AGAP1: variants seen among roughly 807,000 people sequenced by gnomAD.
The protein encoded by AGAP1 is ArfGAP with GTPase domain, ankyrin repeat and PH domain 1.
Under a neutral mutation model 105.3 loss-of-function variants are expected in AGAP1, and 29 were observed. The ratio of observed to expected loss-of-function variants is 0.28; its 90% CI spans 0.21 to 0.38. AGAP1 has a LOEUF of 0.38. AGAP1 is among the 10% of genes least tolerant of loss of function. AGAP1 has a pLI of 1.00. For missense variants in AGAP1, 998 were observed against 1,165.1 expected (o/e 0.86, Z 2.09); for synonymous variants, 509 against 485.9 (o/e 1.05, Z -0.63).
At position 235,891,437 on chromosome 2, in the gene AGAP1, T is replaced by G. The variant is rs2050534452; in HGVS notation, c.1155+7988T>G. Among the ~76,000 whole-genome samples the G allele has an allele frequency of 6.6e-6, 1 of 152,156 alleles. No individual in the cohort carries two copies. The highest frequency in any genetic ancestry group is 1.5e-5 in the Non-Finnish European group (1 of 68,032). On this transcript the variant is annotated intron_variant, in intron 10 of 17. Coordinates refer to ENST00000304032, the MANE Select transcript of AGAP1 (RefSeq NM_001037131.3). The surrounding 1 kb of genome is among the most constrained non-coding windows in gnomAD (Gnocchi z 4.2). ...ACACTTTGCTGGATCACAGTTCAGG[T>G]GGATCGAGGGCAGCCTGTTCTAAGA...
chr2:236,005,625 G>T lies in AGAP1; in HGVS notation c.1646-30936G>T, dbSNP rs2125537605. Among the ~76,000 whole-genome samples the T allele has an allele frequency of 6.6e-6, 1 of 152,180 alleles. No individual in the cohort carries two copies. The highest frequency in any genetic ancestry group is 1.5e-5 in the Non-Finnish European group (1 of 68,008). On this transcript the variant is annotated intron_variant, in intron 13 of 17. Transcript: ENST00000304032. The surrounding 1 kb of genome is among the most constrained non-coding windows in gnomAD (Gnocchi z 4.1). Reference sequence around the variant, plus strand: ...GTCATGCCTCCTTAGCCTTCTCTTGGCTGGGACATTTTCTCAGACTTTTCC... The same window carrying T: ...GTCATGCCTCCTTAGCCTTCTCTTGTCTGGGACATTTTCTCAGACTTTTCC...
At chr2:235,579,155 C>T (rs1051067721) in intron 1 of AGAP1, among the ~76,000 whole-genome samples, 14 of 152,126 alleles carry the variant, frequency 9.2e-5, no homozygotes, top group African/African-American at 1.9e-4. Context: ...GTAAAACTTT[C>T]GTATAAGGGC....
chr2:235,542,824 C>T (rs939809649), intron 1 of AGAP1, among the ~76,000 whole-genome samples: 1 of 152,208 alleles, frequency 6.6e-6, no homozygotes, highest in Non-Finnish European at 1.5e-5. Flanking sequence ...CAGCCTCCAG[C>T]ACTGCTCCCT....
At chr2:235,523,071 G>A (rs556179712) in intron 1 of AGAP1, among the ~76,000 whole-genome samples, 2 of 152,252 alleles carry the variant, frequency 1.3e-5, no homozygotes, top group Middle Eastern at 3.4e-3. Context: ...GGCAGGCTCC[G>A]GTGAGGGCTC....
chr2:235,819,303 T>G (rs1354484570), intron 9 of AGAP1, among the ~76,000 whole-genome samples: 1 of 151,704 alleles, frequency 6.6e-6, no homozygotes, highest in Non-Finnish European at 1.5e-5. Context: ...TTAATAGAGA[T>G]AGGGTTTTGC....
At chr2:235,590,644 T>G (rs541420647) in intron 1 of AGAP1, among the ~76,000 whole-genome samples, 1 of 151,818 alleles carries the variant, frequency 6.6e-6, no homozygotes, top group East Asian at 1.9e-4. Flanking sequence ...GTTTCTGTTT[T>G]TTTTGTTTTG....
rs554268757 is a variant in AGAP1, at chr2:235,908,069, G to A, written c.1156-669G>A. On this transcript the variant is annotated intron_variant, in intron 10 of 17. Coordinates refer to ENST00000304032, the MANE Select transcript of AGAP1 (RefSeq NM_001037131.3). This position sits in a 1 kb window ranked among gnomAD's most constrained non-coding sequence, Gnocchi z 4.4. ...TCTCAGTTGCTTGTTCACCTTCCCC[G>A]TTCCCTGCCCATCAGCCAGTTTCCA... Among the ~76,000 whole-genome samples the A allele has an allele frequency of 1.3e-5, 2 of 152,014 alleles. No individual in the cohort carries two copies. The highest frequency in any genetic ancestry group is 4.8e-5 in the African/African-American group (2 of 41,386).
chr2:235,691,748 C>T lies in AGAP1; in HGVS notation c.164-17431C>T, dbSNP rs1400597991. Reference sequence around the variant, plus strand: ...ACCACGCCTCCCTTCCCTTCCTTCCCTGTCCTGAGTGTGACCTCCGTCATG... The same window carrying T: ...ACCACGCCTCCCTTCCCTTCCTTCCTTGTCCTGAGTGTGACCTCCGTCATG... On this transcript the variant is annotated intron_variant, in intron 1 of 17. Transcript: ENST00000304032. This position sits in a 1 kb window ranked among gnomAD's most constrained non-coding sequence, Gnocchi z 4.4. 6.6e-6 allele frequency among the ~76,000 whole-genome samples: 1 copy of T among 152,220 alleles called. No homozygotes were observed. Among genetic ancestry groups the T allele is most frequent in the African/African-American group, 2.4e-5 (1 of 41,460 alleles).
chr2:235,773,418 A>G (rs1345108604), intron 6 of AGAP1, among the ~76,000 whole-genome samples: 1 of 152,232 alleles, frequency 6.6e-6, no homozygotes, highest in Non-Finnish European at 1.5e-5. Context: ...TTACACTCCT[A>G]TGCAAATGTC....
At chr2:235,952,833 C>G (rs1466318091) in intron 12 of AGAP1, among the ~76,000 whole-genome samples, 1 of 150,262 alleles carries the variant, frequency 6.7e-6, no homozygotes, top group Non-Finnish European at 1.5e-5. Flanking sequence ...TCAGCTCAGC[C>G]CCAGGGCCTT....
intron 1 of AGAP1, among the ~76,000 whole-genome samples, chr2:235,696,746 C>T (rs1446316073): frequency 6.6e-6 from 1 of 152,114 alleles, no homozygotes; most frequent in Admixed American, 6.5e-5. Context: ...ATTATCCATG[C>T]CACCTCTCAG....
At chr2:235,886,826 A>G (rs1167364822) in intron 10 of AGAP1, among the ~76,000 whole-genome samples, 2 of 152,142 alleles carry the variant, frequency 1.3e-5, no homozygotes, top group Non-Finnish European at 2.9e-5. Context: ...TTTCACAGCC[A>G]AGCATTGGAT....
intron 16 of AGAP1, among the ~76,000 whole-genome samples, chr2:236,070,852 C>T (rs951095384): frequency 6.6e-6 from 1 of 152,052 alleles, no homozygotes; most frequent in Non-Finnish European, 1.5e-5. Flanking sequence ...TCAAAATGTC[C>T]CCAAATTGGT....
chr2:235,926,422 C>T (rs1454653702), intron 11 of AGAP1, among the ~76,000 whole-genome samples: 2 of 152,188 alleles, frequency 1.3e-5, no homozygotes, highest in African/African-American at 2.4e-5. Flanking sequence ...GCAGCTTCCA[C>T]AGTGTCGTGG....
chr2:236,111,479 T>A (rs2059638914), intron 16 of AGAP1, among the ~76,000 whole-genome samples: 1 of 146,536 alleles, frequency 6.8e-6, no homozygotes, highest in Non-Finnish European at 1.5e-5. Context: ...CTGGGCAGTA[T>A]AGCAAGACCC....
rs1384518817 is a variant in AGAP1, at chr2:235,888,019, G to C, written c.1155+4570G>C. Reference sequence around the variant, plus strand: ...GCACAGACATTTATCTTCTGTCCACGTGTGTGCCGCTCACAGTCCACGTAA... The same window carrying C: ...GCACAGACATTTATCTTCTGTCCACCTGTGTGCCGCTCACAGTCCACGTAA... On this transcript the variant is annotated intron_variant, in intron 10 of 17. Coordinates refer to ENST00000304032, the MANE Select transcript of AGAP1 (RefSeq NM_001037131.3). The surrounding 1 kb of genome is among the most constrained non-coding windows in gnomAD (Gnocchi z 4.8). 2.0e-5 allele frequency among the ~76,000 whole-genome samples: 3 copies of C among 152,262 alleles called. No individual in the cohort carries two copies. The highest frequency in any genetic ancestry group is 6.8e-3 in the Middle Eastern group (2 of 294).
chr2:235,756,875 C>T (rs1306950666), intron 6 of AGAP1, among the ~76,000 whole-genome samples: 9 of 152,038 alleles, frequency 5.9e-5, no homozygotes, highest in African/African-American at 2.2e-4. Flanking sequence ...CCCACCTGCC[C>T]CCCAACCCCT....
At position 235,655,778 on chromosome 2, in the gene AGAP1, A is replaced by G. The variant is rs1384083926; in HGVS notation, c.164-53401A>G. On this transcript the variant is annotated intron_variant, in intron 1 of 17. Transcript: ENST00000304032. The surrounding 1 kb of genome is among the most constrained non-coding windows in gnomAD (Gnocchi z 4.3). ...ACGTGTGTATTTTTAACACATTTCC[A>G]AAAGCATGATTTATTCAGGATTAAG... Among the ~76,000 whole-genome samples the G allele has an allele frequency of 6.6e-6, 1 of 152,236 alleles. No individual in the cohort carries two copies. The highest frequency in any genetic ancestry group is 1.5e-5 in the Non-Finnish European group (1 of 68,048).
At chr2:235,730,283 A>G (rs1247083595) in intron 3 of AGAP1, among the ~76,000 whole-genome samples, 1 of 152,070 alleles carries the variant, frequency 6.6e-6, no homozygotes, top group Non-Finnish European at 1.5e-5. Context: ...GCAGCCGAGT[A>G]ACTGCCAAGG....
Sources: allele counts gnomAD v4.1 joint callset (sites outside exome capture counted in the v4.1 genomes callset), GRCh38; gene constraint gnomAD v4.1.1; non-coding constraint Gnocchi (gnomAD v3.1); transcripts MANE v1.5; gene names NCBI Gene and HGNC (gene_info 2026-07-23, HGNC 2026-07-21).